KIF24: variants seen among roughly 807,000 people sequenced by gnomAD.
KIF24 encodes the protein kinesin family member 24, also known as kinesin-like protein KIF24.
A neutral mutation model predicts 118.9 loss-of-function variants in KIF24; 81 were observed. The ratio of observed to expected loss-of-function variants is 0.68; its 90% CI spans 0.57 to 0.82. KIF24 has a LOEUF of 0.82. KIF24 is among the 40% of genes least tolerant of loss of function. The pLI, the probability that KIF24 is intolerant of heterozygous loss-of-function variation, is 0.00. For missense variants in KIF24, 1,560 were observed against 1,661.6 expected, an observed-to-expected ratio of 0.94 and a Z score of 1.06; for synonymous variants, 599 against 610.0, an observed-to-expected ratio of 0.98 and a Z score of 0.27.
rs889168941 is a variant in KIF24, at chr9:34,311,690, G to A, written c.-25-319C>T. On this transcript the variant is annotated intron_variant, in intron 1 of 12. Coordinates refer to ENST00000402558, the MANE Select transcript of KIF24 (RefSeq NM_194313.4). ...TATACGTGTATATGTATATATATAC[G>A]TATATATGTACATATATACGTATAT... Among the ~76,000 whole-genome samples, 6 of 143,632 alleles carry A rather than the reference G, an allele frequency of 4.2e-5. No individual in the cohort carries two copies. The East Asian group carries it at 6.1e-4, about 15-fold the overall frequency. The allele number at this position is 143,632 out of a possible 152,430, so 94.2% of individuals were successfully genotyped here. A position where few individuals can be genotyped will look rare whatever the true frequency, so the allele number is the denominator to read the frequency against.
rs753852468 is a variant in KIF24 at position 34,263,147 on chromosome 9, T to C, written c.1469A>G (p.Asp490Gly). The C allele has an allele frequency of 9.9e-6, 16 of 1,613,322 alleles. No homozygotes were observed. The Admixed American group carries it at 1.0e-4, about 10-fold the overall frequency. ...GAAGGGAGTATGGGTGTGTTCCTGA[T>C]CCAGTGCTCGGATACATTCCTTCAG... is the stretch of plus-strand genomic sequence containing the variant. ...LALKECIRAL[D>G]QEHTHTPFRQ... Residue 490 changes from aspartate (D) to glycine (G), a missense_variant, in exon 9 of 13, where the codon GAT becomes GGT. Asp to Gly is a moderately conservative substitution (Grantham distance 94). Around this residue, in one of 3 missense-constraint regions of KIF24, gnomAD observed 964 missense variants for 988.0 expected, o/e 0.98. Transcript: ENST00000402558.
Position 34,290,281 on chromosome 9 carries a change from G to C in KIF24, c.1020C>G (p.Ile340Met), listed in dbSNP as rs754291456. The change falls in exon 5 of 13, where the codon ATC (isoleucine) becomes ATG (methionine). Residue 340 changes from isoleucine to methionine, a missense_variant. Ile to Met is a conservative substitution (Grantham distance 10). Transcript: ENST00000402558. ...GCTGGGACACTTCTAGTTGCCTGAA[G>C]ATATCTTTGGCAGCTAGAGCATACA... ...PGLYALAAKD[I>M]FRQLEVSQPR... is the part of the protein sequence containing the mutation. The C allele has an allele frequency of 1.1e-5, 17 of 1,613,352 alleles. No individual in the cohort carries two copies. The highest frequency in any genetic ancestry group is 7.7e-5 in the South Asian group (7 of 91,076).
In KIF24 at chr9:34,269,268, T is replaced by G; in HGVS notation, c.1432A>C (p.Ser478Arg). ...TTTGAACAACTTACAGCCAGTAGAC[T>G]CTGATTTATTTCTGCACCTTCCATC... The part of the protein sequence containing the change: ...TKMEGAEINQ[S>R]LLALKECIRA... The change falls in exon 8 of 13, where the codon AGT becomes CGT. Residue 478 changes from serine (S) to arginine (R), a missense_variant. By Grantham distance (110) the Ser-to-Arg change is moderately radical. Transcript: ENST00000402558. 6.3e-7 allele frequency: 1 copy of G among 1,599,980 alleles called. No individual in the cohort carries two copies. The highest frequency in any genetic ancestry group is 8.6e-7 in the Non-Finnish European group (1 of 1,169,060).
chr9:34,323,857 G>C (rs1250735222), intron 1 of KIF24, among the ~76,000 whole-genome samples: 1 of 152,202 alleles, frequency 6.6e-6, no homozygotes, highest in African/African-American at 2.4e-5. Context: ...TTTTGTGATA[G>C]ATGGCAATTA....
intron 6 of KIF24, among the ~76,000 whole-genome samples, chr9:34,284,150 C>G (rs926044737): frequency 6.6e-6 from 1 of 152,042 alleles, no homozygotes; most frequent in Non-Finnish European, 1.5e-5. Flanking sequence ...TGCTTGTGGT[C>G]CCAGCTACTT....
chr9:34,286,669 T>A lies in KIF24; in HGVS notation c.1163A>T (p.Gln388Leu). The A allele has an allele frequency of 6.2e-7, 1 of 1,613,680 alleles. No homozygotes were observed. The highest frequency in any genetic ancestry group is 8.5e-7 in the Non-Finnish European group (1 of 1,179,634). ...FAREDSKHMV[Q>L]IVGLQELQVD... ...CTGAAGCTCTTGCAGTCCCACTATCTGCACCATGTGCTTGCTATCTTCTCT... is the reference window on the plus strand; with the variant it reads ...CTGAAGCTCTTGCAGTCCCACTATCAGCACCATGTGCTTGCTATCTTCTCT... Residue 388 changes from glutamine (Q) to leucine (L), a missense_variant, in exon 6 of 13, where the codon CAG becomes CTG. Coordinates refer to ENST00000402558, the MANE Select transcript of KIF24 (RefSeq NM_194313.4).
chr9:34,291,888 C>T (rs1037256442), intron 4 of KIF24, among the ~76,000 whole-genome samples: 1 of 152,146 alleles, frequency 6.6e-6, no homozygotes, highest in Non-Finnish European at 1.5e-5. Context: ...AAATGGGTCC[C>T]GCAAACCTGC....
chr9:34,319,091 T>C, intron 1 of KIF24: 1 of 1,348,578 alleles, frequency 7.4e-7, no homozygotes, highest in Non-Finnish European at 1.1e-6. Flanking sequence ...GACTCGGTTC[T>C]ATACCGTGGG....
chr9:34,255,153 G>A lies in KIF24; in HGVS notation c.3885C>T (p.Ile1295=). The A allele has an allele frequency of 6.3e-7, 1 of 1,581,864 alleles. No homozygotes were observed. The highest frequency in any genetic ancestry group is 8.6e-7 in the Non-Finnish European group (1 of 1,162,602). ...CATCCAGCTGTTCCTGGTGTGCTCG[G>A]ATGACCACCTGCCTGGGAACACCAG... is the stretch of plus-strand genomic sequence containing the variant. The part of the protein sequence containing the change: ...PTLEQAQQVV[I]RAHQEQLDEM... Residue 1295 remains isoleucine (I), a synonymous_variant, in exon 12 of 13, where the codon ATC becomes ATT. Transcript: ENST00000402558.
intron 2 of KIF24, among the ~76,000 whole-genome samples, chr9:34,310,142 CAAT>C (rs1249358877): frequency 3.3e-5 from 5 of 152,128 alleles, no homozygotes; most frequent in East Asian, 1.9e-4. Flanking sequence ...TCTCCACCAA[CAAT>C]GTCTTACTGT....
chr9:34,311,323 A>G lies in KIF24; in HGVS notation c.24T>C (p.Cys8=), dbSNP rs746342980. 8.2e-6 allele frequency: 13 copies of G among 1,582,338 alleles called. No individual in the cohort carries two copies. Among genetic ancestry groups the G allele is most frequent in the Middle Eastern group, 1.7e-4 (1 of 5,954 alleles). ...ACTGTGCAAGTTCAGCTTCACAAAG[A>G]CATTCATATAACCAGGATGCCATTT... The part of the protein sequence containing the change: MASWLYE[C]LCEAELAQYY... Residue 8 remains cysteine (C), a synonymous_variant, in exon 2 of 13, where the codon TGT becomes TGC. Transcript: ENST00000402558.
At chr9:34,295,649 G>A (rs1056239898) in intron 4 of KIF24, among the ~76,000 whole-genome samples, 8 of 152,216 alleles carry the variant, frequency 5.3e-5, no homozygotes, top group Admixed American at 2.0e-4. Flanking sequence ...CTGCACTTTG[G>A]CCTGGGTGAC....
At position 34,256,412 on chromosome 9, in the gene KIF24, A is replaced by T; in HGVS notation, c.3195T>A (p.Ser1065=). ...SLLENPDNEG[S]PPSEQLVQDG... ...CCTGGACCAGCTGCTCCGAGGGAGG[A>T]GACCCTTCGTTGTCTGGGTTCTCCA... Residue 1065 remains serine, a synonymous_variant, in exon 11 of 13, where the codon TCT becomes TCA. Coordinates refer to ENST00000402558, the MANE Select transcript of KIF24 (RefSeq NM_194313.4). 1 of 1,613,876 alleles carries T rather than the reference A, an allele frequency of 6.2e-7. No homozygotes were observed. Among genetic ancestry groups the T allele is most frequent in the South Asian group, 1.1e-5 (1 of 91,068 alleles).
intron 5 of KIF24, among the ~76,000 whole-genome samples, chr9:34,288,676 TC>T (rs1474876568): frequency 6.6e-6 from 1 of 151,944 alleles, no homozygotes; most frequent in Non-Finnish European, 1.5e-5. Flanking sequence ...TAAGCATAGG[TC>T]TTCCCTAGTG....
In KIF24 at chr9:34,259,636, C is replaced by A; in HGVS notation, c.1585G>T (p.Ala529Ser). The A allele has an allele frequency of 6.2e-7, 1 of 1,613,906 alleles. No individual in the cohort carries two copies. The highest frequency in any genetic ancestry group is 8.5e-7 in the Non-Finnish European group (1 of 1,179,838). ...AAGGTGTTGAGAGTGTGTTCAGTGG[C>A]CACGTGGCTTGGTGAGATGTTGGCG... ...MIANISPSHV[A>S]TEHTLNTLRY... The change falls in exon 10 of 13, where the codon GCC (alanine) becomes TCC (serine). Residue 529 changes from alanine (A) to serine (S), a missense_variant. Transcript: ENST00000402558.
chr9:34,298,592 T>C (rs1836575944), intron 3 of KIF24, among the ~76,000 whole-genome samples: 1 of 150,672 alleles, frequency 6.6e-6, no homozygotes, highest in East Asian at 1.9e-4. Context: ...GTTAGGACTG[T>C]GTTGTAGGGG....
At chr9:34,297,761 A>T (rs1433313687) in intron 3 of KIF24, among the ~76,000 whole-genome samples, 1 of 62,362 alleles carries the variant, frequency 1.6e-5, no homozygotes, top group Non-Finnish European at 4.2e-5. Context: ...GATTCCATTT[A>T]AAAAAAAAAA....
intron 1 of KIF24, among the ~76,000 whole-genome samples, chr9:34,311,674 A>ATC (rs1563961397): frequency 1.9e-5 from 2 of 107,378 alleles, no homozygotes; most frequent in East Asian, 9.5e-4. Flanking sequence ...ATATACGTGT[A>ATC]TATGTATATA....
chr9:34,331,239 G>GCCT (rs1292538231), upstream of KIF24, among the ~76,000 whole-genome samples: 1 of 152,170 alleles, frequency 6.6e-6, no homozygotes, highest in Non-Finnish European at 1.5e-5. Context: ...AAGATGAAAA[G>GCCT]TCATTTCTTT....
Sources: gnomAD v4.1 joint callset for allele counts (sites outside exome capture counted in the v4.1 genomes callset) on GRCh38, gnomAD v4.1.1 for gene constraint, gnomAD v4.1.1 regional missense constraint, MANE v1.5 for transcripts, NCBI Gene and HGNC (gene_info 2026-07-23, HGNC 2026-07-21) for gene names.